Variants in DOCK3 observed in about 807,000 individuals in gnomAD.
DOCK3 encodes dedicator of cytokinesis protein 3.
DOCK3 carries 60 observed loss-of-function variants against 265.6 expected under a neutral mutation model. The observed-to-expected ratio is 0.23, with a 90% CI of 0.18 to 0.28. The LOEUF (loss-of-function observed/expected upper bound fraction) is 0.28, where lower values mean the gene tolerates loss of function less well. DOCK3 is among the 10% of genes least tolerant of loss of function. The pLI, the probability that DOCK3 is intolerant of heterozygous loss-of-function variation, is 1.00. For missense variants in DOCK3, 1,981 were observed against 2,594.3 expected (o/e 0.76, Z 5.14); for synonymous variants, 881 against 938.0 (o/e 0.94, Z 1.11).
chr3:51,072,327 C>G (rs1157996660), intron 6 of DOCK3, among the ~76,000 whole-genome samples: 1 of 152,150 alleles, frequency 6.6e-6, no homozygotes, highest in Admixed American at 6.5e-5. Context: ...GTGTGGTGCA[C>G]TACCACAGAG....
chr3:51,009,172 G>C (rs1281846966), intron 5 of DOCK3, among the ~76,000 whole-genome samples: 1 of 152,102 alleles, frequency 6.6e-6, no homozygotes, highest in Non-Finnish European at 1.5e-5. Context: ...CTATTGATTG[G>C]AATAGTTTCA....
chr3:51,049,746 CTT>C (rs571611142), intron 5 of DOCK3, among the ~76,000 whole-genome samples: 16 of 151,740 alleles, frequency 1.1e-4, no homozygotes, highest in Admixed American at 1.1e-3. Flanking sequence ...AAAATTATCT[CTT>C]GTTTTCAGAA....
chr3:51,053,742 A>G (rs1000426285), intron 5 of DOCK3, among the ~76,000 whole-genome samples: 3 of 152,060 alleles, frequency 2.0e-5, no homozygotes, highest in Non-Finnish European at 1.5e-5. Context: ...TTTTGAACCA[A>G]TGTTTAGTTG....
chr3:50,932,003 T>A (rs1229407075), intron 4 of DOCK3, among the ~76,000 whole-genome samples: 1 of 152,328 alleles, frequency 6.6e-6, no homozygotes, highest in East Asian at 1.9e-4. Context: ...GGTACTCTTG[T>A]CCATAAGTTG....
intron 23 of DOCK3, among the ~76,000 whole-genome samples, chr3:51,264,794 T>C (rs2080066027): frequency 1.4e-5 from 2 of 148,114 alleles, no homozygotes; most frequent in Non-Finnish European, 3.0e-5. Context: ...GCCACCACAC[T>C]CCAGCCTGGG....
chr3:51,379,896 T>C (rs1553618005), intron 51 of DOCK3, among the ~76,000 whole-genome samples: 3 of 152,252 alleles, frequency 2.0e-5, no homozygotes. Context: ...TTCCACAGAC[T>C]CTGAAGCACT....
At chr3:51,309,642 C>T (rs147725252) in intron 27 of DOCK3, among the ~76,000 whole-genome samples, 2 of 145,706 alleles carry the variant, frequency 1.4e-5, no homozygotes, top group Non-Finnish European at 2.9e-5. Context: ...AGAGCGAGAG[C>T]GAGAGCGAGA....
At chr3:51,306,078 C>T (rs940842973) in intron 27 of DOCK3, among the ~76,000 whole-genome samples, 3 of 150,134 alleles carry the variant, frequency 2.0e-5, no homozygotes, top group Non-Finnish European at 3.0e-5. Flanking sequence ...GTTGCTCAGG[C>T]TAGTATCAAG....
At chr3:51,247,867 G>A (rs545359369) in intron 22 of DOCK3, among the ~76,000 whole-genome samples, 4 of 152,244 alleles carry the variant, frequency 2.6e-5, no homozygotes, top group Admixed American at 6.5e-5. Flanking sequence ...AAAGGGCCTC[G>A]GTTCTCTTCT....
chr3:51,375,858 C>T lies in DOCK3; in HGVS notation c.5500+23C>T, dbSNP rs2088078126. On this transcript the variant is annotated intron_variant, in intron 51 of 52. Transcript: ENST00000266037. ...AAGGTATTGTTGCCCAGGTGGCCTT[C>T]CCCCCATGTCTGTCCCCATCCTGAG... is the stretch of plus-strand genomic sequence containing the variant. 5.0e-6 allele frequency: 8 copies of T among 1,612,622 alleles called. No individual in the cohort carries two copies. The East Asian group carries it at 1.6e-4, about 31-fold the overall frequency.
intron 22 of DOCK3, among the ~76,000 whole-genome samples, chr3:51,253,570 A>T (rs1280196766): frequency 6.6e-6 from 1 of 151,898 alleles, no homozygotes; most frequent in Non-Finnish European, 1.5e-5. Flanking sequence ...CAGGGATTCA[A>T]CTTCTTCCTG....
At chr3:51,068,471 C>T (rs918727046) in intron 6 of DOCK3, among the ~76,000 whole-genome samples, 6 of 132,604 alleles carry the variant, frequency 4.5e-5, no homozygotes, top group Non-Finnish European at 7.8e-5. Flanking sequence ...ACCCAGGAGG[C>T]GGAGCTTGCA....
chr3:51,300,982 C>T (rs998540245), intron 27 of DOCK3, among the ~76,000 whole-genome samples: 4 of 152,074 alleles, frequency 2.6e-5, no homozygotes, highest in Non-Finnish European at 5.9e-5. Flanking sequence ...GAAATGGTAC[C>T]AGCTCCTCTT....
intron 5 of DOCK3, among the ~76,000 whole-genome samples, chr3:51,036,683 T>C (rs1004611152): frequency 4.9e-5 from 7 of 141,758 alleles, no homozygotes; most frequent in African/African-American, 1.9e-4. Flanking sequence ...ACTAGGTTAA[T>C]TTTTTTTTTT....
At chr3:50,801,068 G>T (rs571436678) in intron 2 of DOCK3, among the ~76,000 whole-genome samples, 1 of 152,006 alleles carries the variant, frequency 6.6e-6, no homozygotes. Context: ...TTTCAGTGTC[G>T]TAAAAGAAAT....
Position 51,228,745 on chromosome 3 carries a change from A to C in DOCK3, c.1732A>C (p.Ile578Leu), listed in dbSNP as rs755057347. The C allele has an allele frequency of 2.5e-6, 4 of 1,613,810 alleles. No individual in the cohort carries two copies. Among genetic ancestry groups the C allele is most frequent in the Non-Finnish European group, 3.4e-6 (4 of 1,179,860 alleles). ...CKEDYNGCPN[I>L]PSSLIFQRST... is the part of the protein sequence containing the mutation. ...AGAGGACTACAATGGCTGCCCTAAT[A>C]TTCCTTCTAGCCTCATCTTCCAGCG... The change falls in exon 18 of 53, where the codon ATT becomes CTT. Residue 578 changes from isoleucine to leucine, a missense_variant. Ile to Leu is a conservative substitution (Grantham distance 5). This residue lies in a region of DOCK3 where 1,357 missense variants were observed against 1,866.8 expected (regional missense o/e 0.73). Transcript: ENST00000266037.
At chr3:51,364,452 C>T (rs191009288) in intron 49 of DOCK3, among the ~76,000 whole-genome samples, 1 of 152,240 alleles carries the variant, frequency 6.6e-6, no homozygotes, top group Non-Finnish European at 1.5e-5. Context: ...TTTTCACTCT[C>T]ATGGTAGTTT....
At chr3:51,318,272 A>G (rs1188332333) in intron 32 of DOCK3, among the ~76,000 whole-genome samples, 5 of 152,108 alleles carry the variant, frequency 3.3e-5, no homozygotes, top group Admixed American at 2.6e-4. Flanking sequence ...CCAGCTACTT[A>G]GGAGGCTGAG....
chr3:51,008,726 C>T (rs1405839049), intron 5 of DOCK3, among the ~76,000 whole-genome samples: 1 of 152,096 alleles, frequency 6.6e-6, no homozygotes, highest in African/African-American at 2.4e-5. Flanking sequence ...CCAGTTTTTG[C>T]CCATTCAGTA....
Sources: gnomAD v4.1 joint callset for allele counts (sites outside exome capture counted in the v4.1 genomes callset) on GRCh38, gnomAD v4.1.1 for gene constraint, gnomAD v4.1.1 regional missense constraint, MANE v1.5 for transcripts, NCBI Gene and HGNC (gene_info 2026-07-23, HGNC 2026-07-21) for gene names.